NOS1AP: variants seen among roughly 807,000 people sequenced by gnomAD.
The protein encoded by NOS1AP is nitric oxide synthase 1 adaptor protein.
In NOS1AP, 21 loss-of-function variants were observed where a neutral mutation model predicts 56.2. The observed-to-expected ratio is 0.37, with a 90% CI of 0.26 to 0.54. NOS1AP has a LOEUF of 0.54. NOS1AP is among the 20% of genes least tolerant of loss of function. The pLI is 0.84. For missense variants in NOS1AP, 522 were observed against 657.8 expected, an observed-to-expected ratio of 0.79 and a Z score of 2.26; for synonymous variants, 270 against 274.6, an observed-to-expected ratio of 0.98 and a Z score of 0.17.
chr1:162,262,955 C>T (rs557383469), intron 2 of NOS1AP, among the ~76,000 whole-genome samples: 2 of 152,262 alleles, frequency 1.3e-5, no homozygotes, highest in South Asian at 4.2e-4. Context: ...GACTTCTAAC[C>T]CCACCTTTCT....
chr1:162,366,940 T>G lies in NOS1AP; in HGVS notation c.1106-112T>G. 3 of 1,234,130 alleles carry G rather than the reference T, an allele frequency of 2.4e-6. No homozygotes were observed. The Admixed American group carries it at 5.1e-5, about 21-fold the overall frequency. The allele number at this position is 1,234,130 out of a possible 1,614,324, so 76.4% of individuals were successfully genotyped here. ...GACCCAAAGCCCGGAGAGGTGCTGC[T>G]AAGCTGGTCTGGGAAGGGCTTTGGC... On this transcript the variant is annotated intron_variant, in intron 9 of 9. Transcript: ENST00000361897.
At chr1:162,321,343 G>C (rs929468315) in intron 4 of NOS1AP, among the ~76,000 whole-genome samples, 1 of 152,106 alleles carries the variant, frequency 6.6e-6, no homozygotes, top group African/African-American at 2.4e-5. Flanking sequence ...TGATAGACTG[G>C]ATTAAGAAAA....
At chr1:162,113,018 C>T (rs1224246763) in intron 1 of NOS1AP, among the ~76,000 whole-genome samples, 1 of 152,150 alleles carries the variant, frequency 6.6e-6, no homozygotes, top group Non-Finnish European at 1.5e-5. Flanking sequence ...GCTTTGTTTG[C>T]AGTTCTGGGC....
chr1:162,101,295 T>C (rs1168139433), intron 1 of NOS1AP, among the ~76,000 whole-genome samples: 2 of 152,238 alleles, frequency 1.3e-5, no homozygotes, highest in African/African-American at 2.4e-5. Context: ...CATTGGTCTA[T>C]ATGTCTGTTC....
At chr1:162,114,374 C>T (rs375905898) in intron 1 of NOS1AP, among the ~76,000 whole-genome samples, 1 of 152,128 alleles carries the variant, frequency 6.6e-6, no homozygotes, top group South Asian at 2.1e-4. Flanking sequence ...AGCTGCTGTC[C>T]AGAGGCAGAG....
At chr1:162,138,004 C>T (rs1346213634) in intron 1 of NOS1AP, among the ~76,000 whole-genome samples, 1 of 152,088 alleles carries the variant, frequency 6.6e-6, no homozygotes. Flanking sequence ...CTGTCAGTAC[C>T]TCACATTAAA....
chr1:162,145,838 C>T (rs766379254), intron 1 of NOS1AP, among the ~76,000 whole-genome samples: 2 of 152,008 alleles, frequency 1.3e-5, no homozygotes, highest in Non-Finnish European at 2.9e-5. Context: ...AGGAGACCAG[C>T]GGGATATGAG....
chr1:162,351,745 C>T (rs995884286), intron 6 of NOS1AP, among the ~76,000 whole-genome samples: 2 of 152,216 alleles, frequency 1.3e-5, no homozygotes, highest in African/African-American at 2.4e-5. Context: ...CCCCGACCTA[C>T]GACCTTACCT....
At chr1:162,221,532 GCGCA>G (rs66791894) in intron 2 of NOS1AP, among the ~76,000 whole-genome samples, 56,793 of 132,574 alleles carry the variant, frequency 0.43, 12,840 homozygotes, top group Non-Finnish European at 0.54. Flanking sequence ...ACACACACGC[GCGCA>G]CACACACACA....
At chr1:162,297,282 G>A (rs1655496320) in intron 3 of NOS1AP, among the ~76,000 whole-genome samples, 1 of 152,172 alleles carries the variant, frequency 6.6e-6, no homozygotes, top group South Asian at 2.1e-4. Context: ...GGACTGTTGG[G>A]AGCAGACTGT....
chr1:162,107,424 C>T (rs1647556483), intron 1 of NOS1AP, among the ~76,000 whole-genome samples: 1 of 152,200 alleles, frequency 6.6e-6, no homozygotes, highest in Non-Finnish European at 1.5e-5. Flanking sequence ...TAATCAAACT[C>T]CTAGGCTCAA....
At chr1:162,183,042 T>C (rs1382632430) in intron 2 of NOS1AP, among the ~76,000 whole-genome samples, 2 of 152,234 alleles carry the variant, frequency 1.3e-5, no homozygotes, top group Non-Finnish European at 2.9e-5. Context: ...GGAGTCACTA[T>C]CTATGGCAGC....
At chr1:162,312,911 C>T (rs1218038690) in intron 4 of NOS1AP, among the ~76,000 whole-genome samples, 1 of 151,410 alleles carries the variant, frequency 6.6e-6, no homozygotes, top group East Asian at 1.9e-4. Context: ...GCAGAAAAAG[C>T]CTTTGACAAA....
At chr1:162,077,065 G>A (rs1389243071) in intron 1 of NOS1AP, among the ~76,000 whole-genome samples, 2 of 152,134 alleles carry the variant, frequency 1.3e-5, no homozygotes, top group African/African-American at 4.8e-5. Context: ...AAGTTTTTGT[G>A]CAGGCATGTT....
intron 2 of NOS1AP, among the ~76,000 whole-genome samples, chr1:162,268,992 C>T (rs1475779927): frequency 6.6e-6 from 1 of 152,090 alleles, no homozygotes; most frequent in African/African-American, 2.4e-5. Context: ...TTTAAGTTTC[C>T]AGAGTGAAAA....
chr1:162,210,257 A>C (rs949582549), intron 2 of NOS1AP, among the ~76,000 whole-genome samples: 1 of 152,024 alleles, frequency 6.6e-6, no homozygotes, highest in African/African-American at 2.4e-5. Context: ...GGTTCCTTGG[A>C]TCTCCTTGCT....
chr1:162,147,933 G>T (rs188963005), intron 1 of NOS1AP, among the ~76,000 whole-genome samples: 2 of 152,258 alleles, frequency 1.3e-5, no homozygotes, highest in Admixed American at 6.5e-5. Flanking sequence ...ATTCCTGGAA[G>T]GGGGGGATGC....
chr1:162,360,923 A>G (rs1478476488), intron 8 of NOS1AP: 1 of 456,246 alleles, frequency 2.2e-6, no homozygotes. Context: ...GCTGGAGTCC[A>G]GGCAAGTAAG....
intron 2 of NOS1AP, among the ~76,000 whole-genome samples, chr1:162,252,535 A>T (rs1357373387): frequency 2.0e-5 from 3 of 152,016 alleles, no homozygotes; most frequent in African/African-American, 7.2e-5. Context: ...CATTCTGTGC[A>T]CTCTAATTGG....
Sources: gnomAD v4.1 joint callset for allele counts (sites outside exome capture counted in the v4.1 genomes callset) on GRCh38, gnomAD v4.1.1 for gene constraint, MANE v1.5 for transcripts, NCBI Gene and HGNC (gene_info 2026-07-23, HGNC 2026-07-21) for gene names.